SGCG: variants seen among roughly 807,000 people sequenced by gnomAD.
SGCG encodes gamma-sarcoglycan.
SGCG carries 26 observed loss-of-function variants against 29.3 expected under a neutral mutation model. The ratio of observed to expected loss-of-function variants is 0.89; its 90% CI spans 0.65 to 1.23. The LOEUF (loss-of-function observed/expected upper bound fraction) is 1.23. SGCG is among the 50% of genes most tolerant of loss of function. The pLI, the probability that SGCG is intolerant of heterozygous loss-of-function variation, is 0.00. For synonymous variants in SGCG, 145 were observed against 129.7 expected, an observed-to-expected ratio of 1.12 and a Z score of -0.80; for missense variants, 353 against 356.0, an observed-to-expected ratio of 0.99 and a Z score of 0.07.
the SGCG span, among the ~76,000 whole-genome samples, chr13:23,161,329 T>A: frequency 2.6e-5 from 4 of 152,248 alleles, no homozygotes; most frequent in Admixed American, 6.5e-5. Flanking sequence ...TTCTGATGTT[T>A]CTGAATGTTA....
At chr13:23,211,481 AC>A (rs946734944) in intron 2 of SGCG, among the ~76,000 whole-genome samples, 2 of 149,590 alleles carry the variant, frequency 1.3e-5, no homozygotes, top group African/African-American at 5.0e-5. Flanking sequence ...GGAGAGCTTG[AC>A]CCCCCCTTTC....
chr13:23,322,327 G>A (rs544788238), intron 7 of SGCG, among the ~76,000 whole-genome samples: 56 of 152,288 alleles, frequency 3.7e-4, no homozygotes, highest in African/African-American at 1.3e-3. Context: ...CAGACAGGGC[G>A]GTCCAGTAGC....
rs1353593635 is a variant in SGCG at position 23,299,433 on chromosome 13, TATATATATATATATATATA to T, written c.578+3947_578+3965del. On this transcript the variant is annotated intron_variant, in intron 6 of 7. Transcript: ENST00000218867. ...ATATATATATATATATATATATATA[TATATATATATATATATATA>T]TATATTTTTTTTTTTTTTTTAGTCG... Among the ~76,000 whole-genome samples the T allele has an allele frequency of 4.7e-3, 146 of 30,774 alleles. 5 individuals are homozygous for T. The highest frequency in any genetic ancestry group is 8.9e-3 in the African/African-American group (85 of 9,528). The allele number at this position is 30,774 out of a possible 152,430, so 20.2% of individuals were successfully genotyped here. A position where few individuals can be genotyped will look rare whatever the true frequency, so the allele number is the denominator to read the frequency against.
chr13:23,183,888 G>A (rs1333788223), intron 1 of SGCG, among the ~76,000 whole-genome samples: 3 of 151,824 alleles, frequency 2.0e-5, no homozygotes, highest in East Asian at 3.9e-4. Context: ...GGATGGTCTC[G>A]ATCTGCTGAC....
At chr13:23,244,323 T>G (rs1879619501) in intron 3 of SGCG, 3 of 152,200 alleles carry the variant, frequency 2.0e-5, no homozygotes, top group African/African-American at 7.2e-5. Flanking sequence ...TAAAGCCACT[T>G]TATCTTCAAC....
rs1013988350 is a variant in SGCG at position 23,250,693 on chromosome 13, G to T, written c.361G>T (p.Glu121Ter). Reference sequence around the variant, plus strand: ...TGTAAATGCGCGCAACTCAGAAGGGGAGGTCACAGGCAGGTTAAAAGTCGG... The same window carrying T: ...TGTAAATGCGCGCAACTCAGAAGGGTAGGTCACAGGCAGGTTAAAAGTCGG... The part of the protein sequence containing the change: ...VTVNARNSEG[E>*]VTGRLKVGPK... Residue 121 changes from glutamate to a stop codon, truncating the protein, a stop_gained, in exon 4 of 8, where the codon GAG (glutamate) becomes TAG (stop). Transcript: ENST00000218867. LOFTEE classifies it high-confidence loss of function. 2 of 1,611,844 alleles carry T rather than the reference G, an allele frequency of 1.2e-6. No individual in the cohort carries two copies. Among genetic ancestry groups the T allele is most frequent in the South Asian group, 1.1e-5 (1 of 90,962 alleles).
intron 2 of SGCG, among the ~76,000 whole-genome samples, chr13:23,217,239 A>G (rs866723908): frequency 5.3e-5 from 8 of 152,234 alleles, no homozygotes; most frequent in African/African-American, 1.9e-4. Context: ...TTATCATACT[A>G]TAAGCTCTTA....
intron 6 of SGCG, among the ~76,000 whole-genome samples, chr13:23,303,256 C>T (rs1882237965): frequency 6.6e-6 from 1 of 152,280 alleles, no homozygotes. Context: ...CCTGCAAGCT[C>T]CCAGCCTGGC....
chr13:23,242,330 G>A (rs1879543987), intron 3 of SGCG, among the ~76,000 whole-genome samples: 1 of 152,052 alleles, frequency 6.6e-6, no homozygotes, highest in South Asian at 2.1e-4. Context: ...TTTTCAAAAA[G>A]TATCTTAAAA....
intron 2 of SGCG, among the ~76,000 whole-genome samples, chr13:23,205,182 A>G (rs1005623212): frequency 4.6e-5 from 7 of 152,320 alleles, no homozygotes; most frequent in African/African-American, 1.7e-4. Flanking sequence ...CTATTTCTAC[A>G]GCATCACAAT....
At position 23,324,948 on chromosome 13, in the gene SGCG, C is replaced by A; in HGVS notation, c.*407C>A. 3.6e-6 allele frequency: 1 copy of A among 279,790 alleles called. No homozygotes were observed. The highest frequency in any genetic ancestry group is 3.9e-5 in the South Asian group (1 of 25,884). 17.3% of individuals were successfully genotyped at this position (279,790 alleles called of 1,614,324 possible). On this transcript the variant is annotated 3_prime_UTR_variant, in exon 8 of 8. Transcript: ENST00000218867. ...AGTAGCCTTGCTCAGTACTAAAATG[C>A]CCCAAAGTTCTATACAGCATTTCCT... is the stretch of plus-strand genomic sequence containing the variant.
intron 5 of SGCG, among the ~76,000 whole-genome samples, chr13:23,285,136 T>C (rs141928712): frequency 0.022 from 3,325 of 152,306 alleles, 64 homozygotes; most frequent in East Asian, 0.08. Context: ...GCTCAAGCGC[T>C]GTGCTGGGAG....
At position 23,217,704 on chromosome 13, in the gene SGCG, A is replaced by C. The variant is rs188708458; in HGVS notation, c.195+13815A>C. ...TTTTACTAGCATCTAGTATACTGCT[A>C]CCATGTAATAGGTACTCAACAAATA... On this transcript the variant is annotated intron_variant, in intron 2 of 7. Coordinates refer to ENST00000218867, the MANE Select transcript of SGCG (RefSeq NM_000231.3). Among the ~76,000 whole-genome samples the C allele has an allele frequency of 3.9e-3, 585 of 151,380 alleles. 3 individuals carry two copies. The highest frequency in any genetic ancestry group is 0.013 in the African/African-American group (537 of 40,928).
chr13:23,184,565 T>TA (rs926993903), intron 1 of SGCG, among the ~76,000 whole-genome samples: 4 of 152,222 alleles, frequency 2.6e-5, no homozygotes, highest in Admixed American at 6.5e-5. Context: ...ACAGCAAATT[T>TA]AAGAGTCATG....
At chr13:23,279,264 C>A in intron 4 of SGCG, 95 bp from the exon 5 acceptor site, 1 of 1,175,506 alleles carries the variant, frequency 8.5e-7, no homozygotes, top group Non-Finnish European at 1.3e-6. Context: ...TCTTTAGATA[C>A]TTGGTATTGT....
At chr13:23,279,690 T>A (rs1198904481) in intron 5 of SGCG, among the ~76,000 whole-genome samples, 1 of 137,096 alleles carries the variant, frequency 7.3e-6, no homozygotes, top group South Asian at 2.1e-4. Flanking sequence ...CCTTCTTCCA[T>A]CACAGTTTTA....
intron 1 of SGCG, among the ~76,000 whole-genome samples, chr13:23,192,119 G>A (rs1462661485): frequency 1.3e-5 from 2 of 149,684 alleles, no homozygotes; most frequent in African/African-American, 4.9e-5. Context: ...AGTTTGCAGT[G>A]AGCCGAGATC....
At position 23,229,747 on chromosome 13, in the gene SGCG, G is replaced by A. The variant is rs186386323; in HGVS notation, c.196-4864G>A. On this transcript the variant is annotated intron_variant, in intron 2 of 7. Coordinates refer to ENST00000218867, the MANE Select transcript of SGCG (RefSeq NM_000231.3). ...ATTCTGTCAGCTGCCTGTTTACTCT[G>A]TTGATAGTTCCTTCTGCTGCTCAAA... is the stretch of plus-strand genomic sequence containing the variant. 3.5e-3 allele frequency among the ~76,000 whole-genome samples: 531 copies of A among 152,268 alleles called. 3 individuals are homozygous for A. Among genetic ancestry groups the A allele is most frequent in the African/African-American group, 0.012 (501 of 41,556 alleles).
Position 23,237,200 on chromosome 13 carries a change from G to A in SGCG, c.297+2488G>A, listed in dbSNP as rs550225652. Among the ~76,000 whole-genome samples, 3 of 152,228 alleles carry A rather than the reference G, an allele frequency of 2.0e-5. No homozygotes were observed. In the East Asian group the frequency reaches 5.8e-4, roughly 29 times the overall value. ...AAAGTAATACATGAGGGCCTGTATTGAATTCATACTTTGAATTCATGGCTT... is the reference window on the plus strand; with the variant it reads ...AAAGTAATACATGAGGGCCTGTATTAAATTCATACTTTGAATTCATGGCTT... On this transcript the variant is annotated intron_variant, in intron 3 of 7. Coordinates refer to ENST00000218867, the MANE Select transcript of SGCG (RefSeq NM_000231.3).
Sources: gnomAD v4.1 joint callset for allele counts (sites outside exome capture counted in the v4.1 genomes callset) on GRCh38, gnomAD v4.1.1 for gene constraint, MANE v1.5 for transcripts, NCBI Gene and HGNC (gene_info 2026-07-23, HGNC 2026-07-21) for gene names.